Variants in SOX6 observed in about 807,000 individuals in gnomAD.
The protein encoded by SOX6 is transcription factor SOX-6.
In SOX6, 11 loss-of-function variants were observed where a neutral mutation model predicts 97.8. The ratio of observed to expected loss-of-function variants is 0.11; its 90% CI spans 0.07 to 0.19. The LOEUF is 0.19. SOX6 is among the 10% of genes least tolerant of loss of function. The pLI, the probability that SOX6 is intolerant of heterozygous loss-of-function variation, is 1.00. For missense variants in SOX6, 810 were observed against 1,039.5 expected (o/e 0.78, Z 3.04); for synonymous variants, 360 against 371.4 (o/e 0.97, Z 0.35).
At chr11:16,349,232 C>T (rs556301666) in intron 1 of SOX6, among the ~76,000 whole-genome samples, 48 of 152,162 alleles carry the variant, frequency 3.2e-4, no homozygotes, top group Middle Eastern at 3.4e-3. Context: ...TATATCATTC[C>T]TTCTAATACA....
rs540814088 is a variant in SOX6, at chr11:15,967,123, T to A, written c.*5686A>T. On this transcript the variant is annotated 3_prime_UTR_variant, in exon 16 of 16. Transcript: ENST00000683767. ...GCAATAGACACTAGTTTTTATGTTT[T>A]TTTCTTTTTTTCTAATTGCCCAAAT... is the stretch of plus-strand genomic sequence containing the variant. The A allele has an allele frequency of 3.9e-5, 6 of 152,216 alleles. No homozygotes were observed. Among genetic ancestry groups the A allele is most frequent in the Non-Finnish European group, 8.8e-5 (6 of 68,038 alleles). The allele number at this position is 152,216 out of a possible 1,614,324, so 9.4% of individuals were successfully genotyped here.
chr11:16,560,084 A>G (rs12225686), intron 4 of SOX6, among the ~76,000 whole-genome samples: 149,392 of 152,282 alleles, frequency 0.98, 73,353 homozygotes, highest in East Asian at 1. Context: ...GAAAATGCAA[A>G]TCAAGTCCAA....
chr11:16,212,941 G>C (rs530365124), intron 4 of SOX6, among the ~76,000 whole-genome samples: 21 of 152,228 alleles, frequency 1.4e-4, no homozygotes, highest in Admixed American at 3.3e-4. Context: ...TCATGCCAAA[G>C]CCAAAAAGCA....
At chr11:16,349,359 G>A (rs547799950) in intron 1 of SOX6, among the ~76,000 whole-genome samples, 2 of 152,084 alleles carry the variant, frequency 1.3e-5, no homozygotes, top group African/African-American at 4.8e-5. Context: ...GCTCATGCCT[G>A]TAATCCCAGC....
intron 12 of SOX6, among the ~76,000 whole-genome samples, chr11:16,044,691 A>G (rs1855773602): frequency 6.6e-6 from 1 of 152,170 alleles, no homozygotes; most frequent in African/African-American, 2.4e-5. Flanking sequence ...CAAGAATCAC[A>G]AAATATATGT....
intron 3 of SOX6, among the ~76,000 whole-genome samples, chr11:16,699,866 C>T (rs1848080348): frequency 6.6e-6 from 1 of 152,116 alleles, no homozygotes; most frequent in Non-Finnish European, 1.5e-5. Context: ...CCTTTGGAGG[C>T]TGCTATTCAT....
chr11:16,371,897 G>C (rs1857502320), intron 1 of SOX6, among the ~76,000 whole-genome samples: 2 of 151,972 alleles, frequency 1.3e-5, no homozygotes, highest in Non-Finnish European at 2.9e-5. Flanking sequence ...TTTCAGATTA[G>C]GGTTGCTCGA....
intron 3 of SOX6, among the ~76,000 whole-genome samples, chr11:16,621,278 TGAAA>T (rs1417365262): frequency 6.6e-6 from 1 of 152,144 alleles, no homozygotes; most frequent in Non-Finnish European, 1.5e-5. Context: ...AATCCTAAAA[TGAAA>T]GAACTAAGAA....
intron 9 of SOX6, among the ~76,000 whole-genome samples, chr11:16,093,836 G>A (rs768573350): frequency 6.6e-6 from 1 of 151,944 alleles, no homozygotes; most frequent in African/African-American, 2.4e-5. Context: ...CTCTACCCTC[G>A]CTCAAGATTT....
At chr11:16,439,486 C>A (rs946866970) in intron 1 of SOX6, among the ~76,000 whole-genome samples, 9 of 152,014 alleles carry the variant, frequency 5.9e-5, no homozygotes, top group Admixed American at 5.9e-4. Context: ...GCTAGTTTCA[C>A]AATAAAGATT....
At chr11:16,476,087 C>T (rs1441451101) in intron 1 of SOX6, among the ~76,000 whole-genome samples, 1 of 152,076 alleles carries the variant, frequency 6.6e-6, no homozygotes, top group African/African-American at 2.4e-5. Flanking sequence ...TTATAATGGG[C>T]CCTGCATTGT....
At chr11:16,590,889 GT>G (rs774644472) in intron 4 of SOX6, among the ~76,000 whole-genome samples, 4 of 152,030 alleles carry the variant, frequency 2.6e-5, no homozygotes, top group Non-Finnish European at 4.4e-5. Flanking sequence ...GCACAACACA[GT>G]GACTACAGTC....
intron 9 of SOX6, among the ~76,000 whole-genome samples, chr11:16,094,794 G>A (rs1848759498): frequency 6.6e-6 from 1 of 151,868 alleles, no homozygotes; most frequent in Non-Finnish European, 1.5e-5. Flanking sequence ...GTCTAATCAT[G>A]TCTGAGTGGA....
At chr11:16,047,958 C>G (rs1184969412) in intron 11 of SOX6, among the ~76,000 whole-genome samples, 1 of 151,966 alleles carries the variant, frequency 6.6e-6, no homozygotes, top group Non-Finnish European at 1.5e-5. Context: ...TCCAATATCA[C>G]CTGGACGAGA....
At chr11:16,289,853 C>T (rs992178181) in intron 3 of SOX6, among the ~76,000 whole-genome samples, 6 of 151,864 alleles carry the variant, frequency 4.0e-5, no homozygotes, top group Admixed American at 3.9e-4. Context: ...ACAAAGAATA[C>T]CAATACTCAT....
At chr11:16,201,390 A>G (rs1467945012) in intron 4 of SOX6, among the ~76,000 whole-genome samples, 1 of 151,916 alleles carries the variant, frequency 6.6e-6, no homozygotes, top group Non-Finnish European at 1.5e-5. Context: ...CCTGGAATAA[A>G]TTTATGTAGC....
At chr11:16,526,520 T>G (rs1261656294) in intron 4 of SOX6, among the ~76,000 whole-genome samples, 1 of 151,908 alleles carries the variant, frequency 6.6e-6, no homozygotes, top group African/African-American at 2.4e-5. Context: ...CATTAGGAGA[T>G]ATACCTAATG....
In SOX6 at chr11:16,227,714, A is replaced by G. The variant is rs147867289; in HGVS notation, c.535+6868T>C. 6.6e-4 allele frequency among the ~76,000 whole-genome samples: 101 copies of G among 152,270 alleles called. 2 individuals are homozygous for G. The highest frequency in any genetic ancestry group is 1.2e-3 in the Non-Finnish European group (82 of 68,020). ...ATTTTTTATTAAGAACAAGTTCCCT[A>G]TTACCTTAACCCCCTAAAACAGCAG... On this transcript the variant is annotated intron_variant, in intron 4 of 15. Transcript: ENST00000683767.
intron 4 of SOX6, among the ~76,000 whole-genome samples, chr11:16,533,895 G>C (rs1861272018): frequency 6.6e-6 from 1 of 151,982 alleles, no homozygotes; most frequent in Admixed American, 6.6e-5. Flanking sequence ...TAATTTTGAT[G>C]ATCAGTTTTT....
Sources: allele counts gnomAD v4.1 joint callset (sites outside exome capture counted in the v4.1 genomes callset), GRCh38; gene constraint gnomAD v4.1.1; transcripts MANE v1.5; gene names NCBI Gene and HGNC (gene_info 2026-07-23, HGNC 2026-07-21).